Variants in LSM14A observed in about 807,000 individuals in gnomAD.
LSM14A encodes protein LSM14 homolog A.
A neutral mutation model predicts 52.4 loss-of-function variants in LSM14A; 14 were observed. That is an observed-to-expected ratio of 0.27 (90% CI 0.18 to 0.42). The LOEUF (loss-of-function observed/expected upper bound fraction) is 0.42. Among genes scored for constraint, LSM14A ranks in the 10% least tolerant of loss-of-function variants. The pLI, the probability that LSM14A is intolerant of heterozygous loss-of-function variation, is 1.00. For synonymous variants in LSM14A, 185 were observed against 200.3 expected, an observed-to-expected ratio of 0.92 and a Z score of 0.64; for missense variants, 417 against 581.8, an observed-to-expected ratio of 0.72 and a Z score of 2.91.
At position 34,219,000 on chromosome 19, in the gene LSM14A, C is replaced by T. The variant is rs561311429; in HGVS notation, c.782-391C>T. ...AAAGGCTTTCTACATTTTGAGAACCCACTGTGTGTCTGGCACTTCAGTTTG... is the reference window on the plus strand; with the variant it reads ...AAAGGCTTTCTACATTTTGAGAACCTACTGTGTGTCTGGCACTTCAGTTTG... On this transcript the variant is annotated intron_variant, in intron 6 of 9. Transcript: ENST00000544216. Among the ~76,000 whole-genome samples the T allele has an allele frequency of 3.9e-5, 6 of 152,218 alleles. No homozygotes were observed. In the South Asian group the frequency reaches 8.3e-4, roughly 21 times the overall value.
intron 1 of LSM14A, among the ~76,000 whole-genome samples, chr19:34,185,506 G>A (rs2069832518): frequency 1.3e-5 from 2 of 152,194 alleles, no homozygotes; most frequent in Admixed American, 1.3e-4. Context: ...TGTGGAAGCA[G>A]GCCGTGATGT....
At chr19:34,172,897 CG>C (rs2068802573) in intron 1 of LSM14A, 134 bp downstream of exon 1, 1 of 1,088,516 alleles carries the variant, frequency 9.2e-7, no homozygotes. Flanking sequence ...CTCCCTTCTC[CG>C]GGCCCCGGCG....
At chr19:34,192,315 TGTTG>T (rs1203415239) in intron 1 of LSM14A, among the ~76,000 whole-genome samples, 21 of 84,346 alleles carry the variant, frequency 2.5e-4, no homozygotes, top group African/African-American at 3.7e-4. Context: ...ACATTCTTTT[TGTTG>T]TTTTTTTTTT....
rs954920337 is a variant in LSM14A at position 34,193,499 on chromosome 19, C to T, written c.122-979C>T. Among the ~76,000 whole-genome samples the T allele has an allele frequency of 3.9e-5, 6 of 152,202 alleles. No individual in the cohort carries two copies. In the East Asian group the frequency reaches 9.6e-4, roughly 24 times the overall value. ...AAATGCAGATTTTTGGACCCTGTCC[C>T]CAGCAAAAAGATTCGGTAGAAATCT... On this transcript the variant is annotated intron_variant, in intron 1 of 9. Transcript: ENST00000544216.
chr19:34,179,377 C>G (rs1013863709), intron 1 of LSM14A, among the ~76,000 whole-genome samples: 8 of 152,104 alleles, frequency 5.3e-5, no homozygotes, highest in South Asian at 2.1e-4. Context: ...TTGCGGGGTG[C>G]TTTATTTGAT....
At chr19:34,179,206 G>A (rs935772758) in intron 1 of LSM14A, among the ~76,000 whole-genome samples, 3 of 152,164 alleles carry the variant, frequency 2.0e-5, no homozygotes, top group Non-Finnish European at 4.4e-5. Context: ...AGAGATTGGT[G>A]GAAGAATAGA....
chr19:34,218,294 G>A (rs11671915), intron 6 of LSM14A, among the ~76,000 whole-genome samples: 2 of 152,034 alleles, frequency 1.3e-5, no homozygotes, highest in Non-Finnish European at 2.9e-5. Flanking sequence ...GTGAGCCACC[G>A]CGCCTGGCCC....
Position 34,227,349 on chromosome 19 carries a change from T to C in LSM14A, c.1369-16T>C. The C allele has an allele frequency of 6.3e-7, 1 of 1,575,690 alleles. No homozygotes were observed. Among genetic ancestry groups the C allele is most frequent in the Non-Finnish European group, 8.6e-7 (1 of 1,158,552 alleles). On this transcript the variant is annotated splice_polypyrimidine_tract_variant and intron_variant, in intron 9 of 9. Coordinates refer to ENST00000544216, the MANE Select transcript of LSM14A (RefSeq NM_015578.4). ...AATAATTTGGAACATGAGCTAAATTTTTTTTTCTTTTTTAGAAAGACAACA... is the reference window on the plus strand; with the variant it reads ...AATAATTTGGAACATGAGCTAAATTCTTTTTTCTTTTTTAGAAAGACAACA...
rs574140561 is a variant in LSM14A at position 34,175,725 on chromosome 19, A to G, written c.121+2962A>G. Reference sequence around the variant, plus strand: ...GATTAGAAGCAAGGAGTTCAATCTTAAAATTTTAAAATTTACATGACTTGT... The same window carrying G: ...GATTAGAAGCAAGGAGTTCAATCTTGAAATTTTAAAATTTACATGACTTGT... On this transcript the variant is annotated intron_variant, in intron 1 of 9. Transcript: ENST00000544216. 2.6e-5 allele frequency among the ~76,000 whole-genome samples: 4 copies of G among 152,368 alleles called. No individual in the cohort carries two copies. In the South Asian group the frequency reaches 8.3e-4, roughly 32 times the overall value.
intron 3 of LSM14A, chr19:34,208,350 A>G (rs2071865116): frequency 6.6e-6 from 1 of 152,192 alleles, no homozygotes; most frequent in Admixed American, 6.6e-5. Flanking sequence ...AAGAAATTTG[A>G]TATAACCTAG....
chr19:34,203,158 G>A (rs1200597597), intron 3 of LSM14A, among the ~76,000 whole-genome samples: 2 of 147,626 alleles, frequency 1.4e-5, no homozygotes, highest in Non-Finnish European at 3.1e-5. Context: ...ACAGTGAAAG[G>A]TATAGATTGA....
intron 4 of LSM14A, among the ~76,000 whole-genome samples, chr19:34,214,002 C>T (rs2072367011): frequency 6.6e-6 from 1 of 151,870 alleles, no homozygotes; most frequent in Non-Finnish European, 1.5e-5. Flanking sequence ...AGGCTGGTCT[C>T]GAACTCCTGA....
At chr19:34,175,063 TA>T (rs374431573) in intron 1 of LSM14A, among the ~76,000 whole-genome samples, 56 of 152,344 alleles carry the variant, frequency 3.7e-4, no homozygotes, top group African/African-American at 1.3e-3. Context: ...TAGTCTGTAA[TA>T]GTTAAATTCA....
intron 9 of LSM14A, among the ~76,000 whole-genome samples, chr19:34,223,194 C>A (rs1555775086): frequency 9.9e-5 from 15 of 152,066 alleles, no homozygotes; most frequent in Non-Finnish European, 2.2e-4. Flanking sequence ...AGTCCTCCCA[C>A]CTCAGCCTCC....
intron 1 of LSM14A, among the ~76,000 whole-genome samples, chr19:34,192,683 A>G (rs2070531295): frequency 6.7e-6 from 1 of 149,028 alleles, no homozygotes; most frequent in Non-Finnish European, 1.5e-5. Context: ...TGCATTAAAA[A>G]TACTAAGGGG....
chr19:34,205,464 C>T (rs960404291), intron 3 of LSM14A, among the ~76,000 whole-genome samples: 4 of 121,288 alleles, frequency 3.3e-5, no homozygotes, highest in Non-Finnish European at 4.8e-5. Flanking sequence ...CCAGCGTGGG[C>T]GACAGAACAA....
At position 34,209,004 on chromosome 19, in the gene LSM14A, C is replaced by T; in HGVS notation, c.491C>T (p.Ser164Phe). Residue 164 changes from serine (S) to phenylalanine (F), a missense_variant, in exon 4 of 10, where the codon TCT (serine) becomes TTT (phenylalanine). Physicochemically the swap from Ser to Phe is radical, Grantham distance 155. Around this residue, in one of 2 missense-constraint regions of LSM14A, gnomAD observed 357 missense variants for 457.0 expected, o/e 0.78. Transcript: ENST00000544216. ...GTLPQSSAVG[S>F]AFTQDTRSLK... is the part of the protein sequence containing the mutation. ...TTACCCCAAAGTAGTGCGGTTGGTT[C>T]TGCCTTTACACAGGATACAAGATCT... 3 of 1,611,634 alleles carry T rather than the reference C, an allele frequency of 1.9e-6. No individual in the cohort carries two copies. The highest frequency in any genetic ancestry group is 1.1e-5 in the South Asian group (1 of 90,686).
intron 1 of LSM14A, among the ~76,000 whole-genome samples, chr19:34,186,101 T>C (rs961228328): frequency 6.6e-6 from 1 of 152,236 alleles, no homozygotes; most frequent in African/African-American, 2.4e-5. Context: ...AAATGTCAGC[T>C]ATATGTAGAG....
chr19:34,207,321 G>A (rs1013456760), intron 3 of LSM14A, among the ~76,000 whole-genome samples: 1 of 152,088 alleles, frequency 6.6e-6, no homozygotes, highest in African/African-American at 2.4e-5. Context: ...TGATGTCTTG[G>A]TCATCACCCA....
Sources: allele counts gnomAD v4.1 joint callset (sites outside exome capture counted in the v4.1 genomes callset), GRCh38; gene constraint gnomAD v4.1.1; regional missense constraint gnomAD v4.1.1; transcripts MANE v1.5; gene names NCBI Gene and HGNC (gene_info 2026-07-23, HGNC 2026-07-21).